The following OXR1 variants were observed in gnomAD, a reference collection of about 807,000 sequenced individuals.
The protein encoded by OXR1 is oxidation resistance protein 1.
OXR1 carries 41 observed loss-of-function variants against 104.6 expected under a neutral mutation model. The observed-to-expected ratio is 0.39, with a 90% CI of 0.31 to 0.51. The LOEUF (loss-of-function observed/expected upper bound fraction) is 0.51. Ranked by LOEUF, OXR1 falls within the 20% of genes least tolerant of loss-of-function variation. The probability of loss-of-function intolerance (pLI) is 0.77; values close to 1 mark genes in which losing one functional copy is unlikely to be tolerated. For synonymous variants in OXR1, 348 were observed against 348.4 expected, an observed-to-expected ratio of 1.00 and a Z score of 0.01; for missense variants, 955 against 1,031.9, an observed-to-expected ratio of 0.93 and a Z score of 1.02.
At chr8:106,680,318 A>G (rs912581537) in intron 4 of OXR1, among the ~76,000 whole-genome samples, 9 of 152,100 alleles carry the variant, frequency 5.9e-5, no homozygotes, top group Admixed American at 4.6e-4. Context: ...TTTTATAGGT[A>G]ACCTTTAAAA....
chr8:106,578,007 C>T (rs530693978), intron 3 of OXR1, among the ~76,000 whole-genome samples: 24 of 152,214 alleles, frequency 1.6e-4, no homozygotes, highest in Admixed American at 3.9e-4. Context: ...ATTAGTTGGC[C>T]GGTGCCCCTT....
rs143759918 is a variant in OXR1, at chr8:106,480,540, A to G, written c.24-38403A>G. ...TTAAACTATAGAAGTATTTCAGACCACTTGAGTGATAGCTTTGCTTCATTC... is the reference window on the plus strand; with the variant it reads ...TTAAACTATAGAAGTATTTCAGACCGCTTGAGTGATAGCTTTGCTTCATTC... On this transcript the variant is annotated intron_variant, in intron 2 of 16. Coordinates refer to ENST00000517566, the MANE Select transcript of OXR1 (RefSeq NM_001198533.2). Among the ~76,000 whole-genome samples the G allele has an allele frequency of 1.5e-3, 231 of 152,074 alleles. 2 individuals are homozygous for G. Among genetic ancestry groups the G allele is most frequent in the African/African-American group, 5.2e-3 (215 of 41,532 alleles).
chr8:106,360,014 G>A (rs891929421), intron 2 of OXR1, among the ~76,000 whole-genome samples: 2 of 152,086 alleles, frequency 1.3e-5, no homozygotes, highest in African/African-American at 4.8e-5. Context: ...GTAGATATTT[G>A]CTCATCAGTA....
At chr8:106,410,948 G>A (rs534849245) in intron 2 of OXR1, among the ~76,000 whole-genome samples, 2 of 152,098 alleles carry the variant, frequency 1.3e-5, no homozygotes, top group East Asian at 3.9e-4. Flanking sequence ...CCTTTTTATT[G>A]ATTTAATACA....
rs557400179 is a variant in OXR1, at chr8:106,399,488, C to CA, written c.23+39859dup. Among the ~76,000 whole-genome samples, 36 of 152,048 alleles carry CA rather than the reference C, an allele frequency of 2.4e-4. No homozygotes were observed. The South Asian group carries it at 5.6e-3, about 24-fold the overall frequency. The stretch of plus-strand genomic sequence containing the variant: ...ATATATTATATTTTGAAGCTCATTA[C>CA]AAAAAAATGGGTGCTACAGTGATGG... On this transcript the variant is annotated intron_variant, in intron 2 of 16. Transcript: ENST00000517566.
chr8:106,320,108 T>G (rs1440060982), intron 1 of OXR1, among the ~76,000 whole-genome samples: 1 of 152,206 alleles, frequency 6.6e-6, no homozygotes, highest in African/African-American at 2.4e-5. Context: ...ACACATCACA[T>G]AGCAAGACCA....
At chr8:106,401,463 G>C (rs1817998202) in intron 2 of OXR1, among the ~76,000 whole-genome samples, 1 of 151,998 alleles carries the variant, frequency 6.6e-6, no homozygotes, top group Non-Finnish European at 1.5e-5. Context: ...CCTGCACTGT[G>C]ATTCACCTGT....
chr8:106,595,260 G>A (rs1203279489), intron 3 of OXR1, among the ~76,000 whole-genome samples: 1 of 152,102 alleles, frequency 6.6e-6, no homozygotes, highest in African/African-American at 2.4e-5. Flanking sequence ...CTCCTTAAGA[G>A]TGTAGAACTG....
chr8:106,309,316 T>C (rs570685465), intron 1 of OXR1, among the ~76,000 whole-genome samples: 1 of 152,122 alleles, frequency 6.6e-6, no homozygotes, highest in Non-Finnish European at 1.5e-5. Context: ...TTCAGAAAAA[T>C]AAAATCAATT....
At chr8:106,360,376 A>AT (rs1485594083) in intron 2 of OXR1, among the ~76,000 whole-genome samples, 1 of 152,110 alleles carries the variant, frequency 6.6e-6, no homozygotes, top group East Asian at 1.9e-4. Context: ...AAATCTGGTA[A>AT]TTTTTTCCAT....
rs1461890230 is a variant in OXR1 at position 106,409,242 on chromosome 8, A to G, written c.23+49606A>G. On this transcript the variant is annotated intron_variant, in intron 2 of 16. Transcript: ENST00000517566. ...CTTCTCGGAAGAAAAGACCGACCAT[A>G]TATTCTGTGGTGTGGTGTTTGTGGG... Among the ~76,000 whole-genome samples the G allele has an allele frequency of 3.9e-5, 6 of 152,176 alleles. No individual in the cohort carries two copies. The East Asian group carries it at 9.7e-4, about 25-fold the overall frequency.
At chr8:106,341,384 A>T (rs1441905453) in intron 1 of OXR1, among the ~76,000 whole-genome samples, 2 of 110,046 alleles carry the variant, frequency 1.8e-5, no homozygotes, top group African/African-American at 9.8e-5. Context: ...TCAATTAGTC[A>T]ATCTACATAT....
chr8:106,498,089 G>A (rs529053249), intron 2 of OXR1, among the ~76,000 whole-genome samples: 31 of 152,106 alleles, frequency 2.0e-4, no homozygotes, highest in African/African-American at 6.7e-4. Context: ...GCTTATAGTC[G>A]TCCTTAAGCA....
intron 2 of OXR1, among the ~76,000 whole-genome samples, chr8:106,415,910 C>A (rs1272551375): frequency 6.6e-6 from 1 of 152,006 alleles, no homozygotes; most frequent in Non-Finnish European, 1.5e-5. Flanking sequence ...AATATTTATT[C>A]CATGGAGTTT....
intron 3 of OXR1, among the ~76,000 whole-genome samples, chr8:106,532,404 G>A: frequency 6.6e-6 from 1 of 152,082 alleles, no homozygotes; most frequent in African/African-American, 2.4e-5. Context: ...CTGTAACCTT[G>A]GACAAGTCAC....
At chr8:106,531,602 G>A (rs1350255540) in intron 3 of OXR1, among the ~76,000 whole-genome samples, 1 of 152,048 alleles carries the variant, frequency 6.6e-6, no homozygotes, top group East Asian at 1.9e-4. Context: ...GTTGAACCTT[G>A]TGACTCTGAT....
At chr8:106,445,878 G>C (rs75888777) in intron 2 of OXR1, among the ~76,000 whole-genome samples, 356 of 152,292 alleles carry the variant, frequency 2.3e-3, no homozygotes, top group African/African-American at 8.0e-3. Flanking sequence ...TGTGGAGCCA[G>C]GCTATGTCCT....
chr8:106,610,407 A>G (rs1269894364), intron 3 of OXR1, among the ~76,000 whole-genome samples: 1 of 152,160 alleles, frequency 6.6e-6, no homozygotes, highest in Non-Finnish European at 1.5e-5. Context: ...TTCAAATCTG[A>G]TCTTGTTCAT....
At chr8:106,590,159 C>G (rs985760289) in intron 3 of OXR1, among the ~76,000 whole-genome samples, 1 of 152,214 alleles carries the variant, frequency 6.6e-6, no homozygotes, top group African/African-American at 2.4e-5. Context: ...CAAAGAGTTA[C>G]GATTTCTTCA....
Sources: allele counts gnomAD v4.1 joint callset (sites outside exome capture counted in the v4.1 genomes callset), GRCh38; gene constraint gnomAD v4.1.1; transcripts MANE v1.5; gene names NCBI Gene and HGNC (gene_info 2026-07-23, HGNC 2026-07-21).